The following KPNA3 variants were observed in gnomAD, a reference collection of about 807,000 sequenced individuals.
The protein encoded by KPNA3 is importin subunit alpha-4.
A neutral mutation model predicts 73.8 loss-of-function variants in KPNA3; 13 were observed. That is an observed-to-expected ratio of 0.18 (90% CI 0.11 to 0.28). KPNA3 has a LOEUF of 0.28. Among genes scored for constraint, KPNA3 ranks in the 10% least tolerant of loss-of-function variants. The pLI is 1.00. For synonymous variants in KPNA3, 186 were observed against 206.9 expected (o/e 0.90, Z 0.87); for missense variants, 360 against 618.1 (o/e 0.58, Z 4.43).
At chr13:49,766,743 TA>T (rs756289368) in intron 1 of KPNA3, among the ~76,000 whole-genome samples, 2 of 152,066 alleles carry the variant, frequency 1.3e-5, no homozygotes, top group African/African-American at 4.8e-5. Context: ...AGTTACAGAT[TA>T]AAAAAATATA....
chr13:49,732,561 C>T (rs879062067), intron 5 of KPNA3, 44 bp downstream of exon 5: 2 of 1,517,402 alleles, frequency 1.3e-6, no homozygotes, highest in South Asian at 2.3e-5. Flanking sequence ...GGTAACACAA[C>T]TGAGGAATGA....
At chr13:49,724,045 T>C (rs938993776) in intron 7 of KPNA3, among the ~76,000 whole-genome samples, 1 of 152,118 alleles carries the variant, frequency 6.6e-6, no homozygotes, top group African/African-American at 2.4e-5. Context: ...AATCATACTG[T>C]GTTTTTTGGG....
Position 49,702,286 on chromosome 13 carries a change from T to A in KPNA3, c.1467+100A>T, listed in dbSNP as rs1036345236. On this transcript the variant is annotated intron_variant, in intron 16 of 16. Coordinates refer to ENST00000261667, the MANE Select transcript of KPNA3 (RefSeq NM_002267.4). ...TGTCTAATAGAAATACAGTACAAAC[T>A]TATGTCATCCTAATAATAAAAGGAA... The A allele has an allele frequency of 3.5e-5, 24 of 688,368 alleles. No homozygotes were observed. In the African/African-American group the frequency reaches 4.3e-4, roughly 12 times the overall value. 42.6% of individuals were successfully genotyped at this position (688,368 alleles called of 1,614,324 possible). A position where few individuals can be genotyped will look rare whatever the true frequency, so the allele number is the denominator to read the frequency against.
At chr13:49,787,299 T>C (rs997786724) in intron 1 of KPNA3, among the ~76,000 whole-genome samples, 2 of 152,194 alleles carry the variant, frequency 1.3e-5, no homozygotes, top group African/African-American at 2.4e-5. Context: ...AGTAAAAAGA[T>C]AAAAAGGCAA....
intron 1 of KPNA3, among the ~76,000 whole-genome samples, chr13:49,767,515 G>C (rs960068895): frequency 6.6e-6 from 1 of 152,084 alleles, no homozygotes; most frequent in Non-Finnish European, 1.5e-5. Context: ...TGTGGTGATG[G>C]TTTCATCAGT....
At chr13:49,721,896 T>A (rs1233128173) in intron 9 of KPNA3, 59 bp downstream of exon 9, 2 of 1,184,484 alleles carry the variant, frequency 1.7e-6, no homozygotes, top group Non-Finnish European at 2.3e-6. Context: ...TGTATATGAA[T>A]TCCTGAAGTA....
At chr13:49,701,979 T>G (rs902684352) in intron 16 of KPNA3, 81 bp from the exon 17 acceptor site, 3 of 829,336 alleles carry the variant, frequency 3.6e-6, no homozygotes, top group Admixed American at 4.5e-5. Flanking sequence ...TTTTACCTCT[T>G]AGCAAATAAT....
rs780744294 is a variant in KPNA3 at position 49,706,383 on chromosome 13, A to G, written c.1033-11T>C. On this transcript the variant is annotated splice_polypyrimidine_tract_variant and intron_variant, in intron 12 of 16. Transcript: ENST00000261667. ...GAACCACACTGCTTCCTATAATTGA[A>G]CAAAATATAGGGCACCTTTATTTGA... The G allele has an allele frequency of 1.9e-6, 3 of 1,584,302 alleles. No individual in the cohort carries two copies. Among genetic ancestry groups the G allele is most frequent in the Non-Finnish European group, 2.6e-6 (3 of 1,153,606 alleles).
chr13:49,741,489 T>C (rs1954573764), intron 2 of KPNA3, among the ~76,000 whole-genome samples: 1 of 151,704 alleles, frequency 6.6e-6, no homozygotes. Context: ...AGTCTTGTTC[T>C]GTCACCCAGG....
chr13:49,756,222 G>GGA (rs1162584423), intron 1 of KPNA3, among the ~76,000 whole-genome samples: 1 of 151,954 alleles, frequency 6.6e-6, no homozygotes, highest in Non-Finnish European at 1.5e-5. Flanking sequence ...TGCAGTAAGT[G>GGA]GAGACTGTGC....
chr13:49,752,180 A>G (rs1341889041), intron 1 of KPNA3, among the ~76,000 whole-genome samples: 1 of 152,226 alleles, frequency 6.6e-6, no homozygotes, highest in Admixed American at 6.5e-5. Flanking sequence ...AGTATGATGG[A>G]GCTAGACACA....
chr13:49,714,808 G>T (rs1954290871), intron 10 of KPNA3, among the ~76,000 whole-genome samples: 1 of 151,990 alleles, frequency 6.6e-6, no homozygotes, highest in Non-Finnish European at 1.5e-5. Flanking sequence ...TGTAATTAAT[G>T]TAAATTATTG....
At chr13:49,749,053 G>C (rs1007382715) in intron 1 of KPNA3, among the ~76,000 whole-genome samples, 1 of 152,024 alleles carries the variant, frequency 6.6e-6, no homozygotes, top group Admixed American at 6.5e-5. Flanking sequence ...TGCAATATTT[G>C]CAACACTTAA....
chr13:49,735,453 G>A (rs1009533380), intron 2 of KPNA3, among the ~76,000 whole-genome samples: 4 of 152,118 alleles, frequency 2.6e-5, no homozygotes. Flanking sequence ...ATATGTACAA[G>A]CCAAGGAAAA....
At chr13:49,752,158 T>A (rs562424229) in intron 1 of KPNA3, among the ~76,000 whole-genome samples, 1 of 152,254 alleles carries the variant, frequency 6.6e-6, no homozygotes, top group Non-Finnish European at 1.5e-5. Flanking sequence ...TTTGCACACA[T>A]CAACATTGTT....
intron 15 of KPNA3, among the ~76,000 whole-genome samples, chr13:49,703,741 C>G (rs867991369): frequency 6.6e-6 from 1 of 152,110 alleles, no homozygotes; most frequent in South Asian, 2.1e-4. Context: ...TATATTTACT[C>G]CACACATCAT....
chr13:49,771,525 C>A (rs1175552373), intron 1 of KPNA3, among the ~76,000 whole-genome samples: 1 of 152,156 alleles, frequency 6.6e-6, no homozygotes, highest in Non-Finnish European at 1.5e-5. Flanking sequence ...GCGCAATCAC[C>A]ATTCACTGCA....
intron 1 of KPNA3, among the ~76,000 whole-genome samples, chr13:49,787,773 G>C (rs568187868): frequency 6.7e-6 from 1 of 150,292 alleles, no homozygotes; most frequent in African/African-American, 2.4e-5. Flanking sequence ...TCCGCCTCCC[G>C]GGTTCACGCC....
In KPNA3 at chr13:49,716,692, C is replaced by T. The variant is rs61961461; in HGVS notation, c.771+3083G>A. 2.6e-3 allele frequency among the ~76,000 whole-genome samples: 402 copies of T among 152,242 alleles called. 1 individual carries two copies. The highest frequency in any genetic ancestry group is 4.1e-3 in the Non-Finnish European group (281 of 68,028). On this transcript the variant is annotated intron_variant, in intron 10 of 16. Coordinates refer to ENST00000261667, the MANE Select transcript of KPNA3 (RefSeq NM_002267.4). ...ACCTCAAGTGATCCACTGTCCTCAG[C>T]CTTCCAAAGTGCTAGGATTACAAAT...
Sources: gnomAD v4.1 joint callset for allele counts (sites outside exome capture counted in the v4.1 genomes callset) on GRCh38, gnomAD v4.1.1 for gene constraint, MANE v1.5 for transcripts, NCBI Gene and HGNC (gene_info 2026-07-23, HGNC 2026-07-21) for gene names.